Variants in P2RX3 observed in about 807,000 individuals in gnomAD.
The protein encoded by P2RX3 is P2X purinoceptor 3.
In P2RX3, 41 loss-of-function variants were observed where a neutral mutation model predicts 51.5. The ratio of observed to expected loss-of-function variants is 0.80; its 90% CI spans 0.62 to 1.03. P2RX3 has a LOEUF of 1.03. Among genes scored for constraint, P2RX3 ranks in the 50% least tolerant of loss-of-function variants. The pLI, the probability that P2RX3 is intolerant of heterozygous loss-of-function variation, is 0.00. For missense variants in P2RX3, 459 were observed against 522.1 expected, an observed-to-expected ratio of 0.88 and a Z score of 1.18; for synonymous variants, 185 against 191.6, an observed-to-expected ratio of 0.97 and a Z score of 0.29.
chr11:57,361,625 A>G (rs1856720731), intron 8 of P2RX3, among the ~76,000 whole-genome samples: 1 of 152,154 alleles, frequency 6.6e-6, no homozygotes, highest in Admixed American at 6.5e-5. Context: ...TCATGATCTC[A>G]TTCCTTTTCA....
chr11:57,370,810 C>A lies in P2RX3; in HGVS notation c.*813C>A. Among the ~76,000 whole-genome samples, 1 of 152,222 alleles carries A rather than the reference C, an allele frequency of 6.6e-6. No homozygotes were observed. The highest frequency in any genetic ancestry group is 1.9e-4 in the East Asian group (1 of 5,194). The stretch of plus-strand genomic sequence containing the variant: ...TTCTCTGGGACCCCACACCCACACA[C>A]ATCTGGGCCCCCTCACTCTGGGGAT... On this transcript the variant is annotated 3_prime_UTR_variant, in exon 12 of 12. Transcript: ENST00000263314.
chr11:57,361,441 C>CT (rs1466351089), intron 8 of P2RX3, among the ~76,000 whole-genome samples: 1 of 152,218 alleles, frequency 6.6e-6, no homozygotes, highest in African/African-American at 2.4e-5. Context: ...TGATGCTCTC[C>CT]TTCCCCCTGC....
At chr11:57,347,015 C>A in intron 2 of P2RX3, 101 bp from the exon 3 acceptor site, 1 of 1,270,486 alleles carries the variant, frequency 7.9e-7, no homozygotes, top group Non-Finnish European at 1.1e-6. Flanking sequence ...TAGACACAAG[C>A]CTTGCTTTCC....
Position 57,369,903 on chromosome 11 carries a change from A to T in P2RX3, c.1100A>T (p.Lys367Ile), listed in dbSNP as rs767439254. The T allele has an allele frequency of 6.2e-7, 1 of 1,613,676 alleles. No individual in the cohort carries two copies. Among genetic ancestry groups the T allele is most frequent in the Non-Finnish European group, 8.5e-7 (1 of 1,179,678 alleles). The part of the protein sequence containing the change: ...KFEEVNETTL[K>I]IAALTNPVYP... ...CTGCAGGTGAATGAGACTACGCTGAAAATCGCGGCTTTGACCAACCCAGTG... is the reference window on the plus strand; with the variant it reads ...CTGCAGGTGAATGAGACTACGCTGATAATCGCGGCTTTGACCAACCCAGTG... The change falls in exon 12 of 12, where the codon AAA becomes ATA. Residue 367 changes from lysine to isoleucine, a missense_variant. Coordinates refer to ENST00000263314, the MANE Select transcript of P2RX3 (RefSeq NM_002559.5).
intron 8 of P2RX3, among the ~76,000 whole-genome samples, chr11:57,366,214 A>C (rs1456628770): frequency 2.0e-5 from 3 of 152,248 alleles, no homozygotes; most frequent in Non-Finnish European, 4.4e-5. Flanking sequence ...GCCACGCAGC[A>C]GGAAGTGCAC....
At chr11:57,349,607 A>G in intron 6 of P2RX3, 150 bp from the exon 7 acceptor site, 1 of 894,360 alleles carries the variant, frequency 1.1e-6, no homozygotes, top group Middle Eastern at 2.3e-4. Flanking sequence ...AGATGCAGGG[A>G]AAGGAAAGAG....
In P2RX3 at chr11:57,338,629, A is replaced by T. The variant is rs766636910; in HGVS notation, c.79A>T (p.Asn27Tyr). Residue 27 changes from asparagine to tyrosine, a missense_variant, in exon 1 of 12, where the codon AAC becomes TAC. Asn to Tyr is a moderately radical substitution (Grantham distance 143). Transcript: ENST00000263314. Reference protein sequence around the residue: ...VVKSWTIGIINRVVQLLIISY... With the variant: ...VVKSWTIGIIYRVVQLLIISY... The stretch of plus-strand genomic sequence containing the variant: ...GAAGAGCTGGACCATCGGGATCATC[A>T]ACCGAGTAGTTCAGCTTCTGATCAT... 28 of 1,596,200 alleles carry T rather than the reference A, an allele frequency of 1.8e-5. 1 individual carries two copies. The Admixed American group carries it at 4.5e-4, about 26-fold the overall frequency.
At chr11:57,359,558 G>A (rs749468649) in intron 8 of P2RX3, among the ~76,000 whole-genome samples, 4 of 152,226 alleles carry the variant, frequency 2.6e-5, no homozygotes, top group Non-Finnish European at 5.9e-5. Flanking sequence ...CCAGCTCAGC[G>A]CTGGCAGCTG....
At chr11:57,338,699 G>C (rs60972068) in intron 1 of P2RX3, 30 bp downstream of exon 1, 24 of 1,486,826 alleles carry the variant, frequency 1.6e-5, no homozygotes, top group Non-Finnish European at 2.2e-5. Flanking sequence ...GGTTCCTGGC[G>C]GGGTGGGCTG....
At chr11:57,364,524 G>A (rs774971376) in intron 8 of P2RX3, among the ~76,000 whole-genome samples, 8 of 152,174 alleles carry the variant, frequency 5.3e-5, no homozygotes, top group Non-Finnish European at 8.8e-5. Flanking sequence ...TATAAACAGT[G>A]GGCATGGAGA....
At chr11:57,349,150 G>C (rs1229733709) in intron 6 of P2RX3, among the ~76,000 whole-genome samples, 2 of 152,118 alleles carry the variant, frequency 1.3e-5, no homozygotes, top group Non-Finnish European at 2.9e-5. Flanking sequence ...CATGTGCAGA[G>C]GGCAATGCCA....
chr11:57,348,338 C>T (rs1222393074), intron 5 of P2RX3, 75 bp downstream of exon 5: 1 of 1,349,262 alleles, frequency 7.4e-7, no homozygotes. Flanking sequence ...AGCCGTGCGT[C>T]TCTGAGCTTG....
intron 1 of P2RX3, among the ~76,000 whole-genome samples, chr11:57,339,604 T>C (rs1856300764): frequency 6.6e-6 from 1 of 152,202 alleles, no homozygotes; most frequent in Admixed American, 6.5e-5. Context: ...CTTGTGGTCA[T>C]TTCCACACAC....
intron 5 of P2RX3, 128 bp downstream of exon 5, chr11:57,348,391 T>TG (rs1856481789): frequency 5.3e-6 from 5 of 946,110 alleles, no homozygotes; most frequent in Non-Finnish European, 4.7e-6. Flanking sequence ...CTTCCTGGTG[T>TG]GGGGGGTGGC....
rs117664673 is a variant in P2RX3, at chr11:57,339,836, G to A, written c.119+1167G>A. 1.0e-3 allele frequency among the ~76,000 whole-genome samples: 155 copies of A among 152,314 alleles called. 1 individual carries two copies. In the East Asian group the frequency reaches 0.013, roughly 13 times the overall value. ...TTGCTTGAAATGTTGAAGTTTATGC[G>A]AGGGTGTGGAGGGAAAGGTGGCTAG... On this transcript the variant is annotated intron_variant, in intron 1 of 11. Transcript: ENST00000263314.
chr11:57,358,042 G>A (rs547218310), intron 8 of P2RX3, among the ~76,000 whole-genome samples: 2 of 152,288 alleles, frequency 1.3e-5, no homozygotes, highest in South Asian at 2.1e-4. Context: ...TCCACCACTC[G>A]ATGAGAGGAT....
chr11:57,347,011 C>T (rs1856448548), intron 2 of P2RX3, 105 bp from the exon 3 acceptor site: 1 of 1,253,060 alleles, frequency 8.0e-7, no homozygotes, highest in African/African-American at 1.5e-5. Flanking sequence ...TCACTAGACA[C>T]AAGCCTTGCT....
chr11:57,342,614 C>T (rs1227921736), intron 1 of P2RX3, among the ~76,000 whole-genome samples: 2 of 152,128 alleles, frequency 1.3e-5, no homozygotes, highest in African/African-American at 2.4e-5. Flanking sequence ...CTTTACATCT[C>T]TAAGTCTCAG....
At chr11:57,346,000 A>G (rs925049280) in intron 1 of P2RX3, among the ~76,000 whole-genome samples, 3 of 152,008 alleles carry the variant, frequency 2.0e-5, no homozygotes, top group Admixed American at 1.3e-4. Flanking sequence ...CGAGCTCCCA[A>G]GGACCTTTAT....
Sources: gnomAD v4.1 joint callset for allele counts (sites outside exome capture counted in the v4.1 genomes callset) on GRCh38, gnomAD v4.1.1 for gene constraint, MANE v1.5 for transcripts, NCBI Gene and HGNC (gene_info 2026-07-23, HGNC 2026-07-21) for gene names.